SRCAP: variants seen among roughly 807,000 people sequenced by gnomAD.
SRCAP encodes the protein Snf2 related CREBBP activator protein.
A neutral mutation model predicts 263.1 loss-of-function variants in SRCAP; 46 were observed. The ratio of observed to expected loss-of-function variants is 0.17; its 90% CI spans 0.14 to 0.22. SRCAP has a LOEUF of 0.22. Ranked by LOEUF, SRCAP falls within the 10% of genes least tolerant of loss-of-function variation. The pLI is 1.00. For synonymous variants in SRCAP, 1,813 were observed against 1,662.1 expected, an observed-to-expected ratio of 1.09 and a Z score of -2.21; for missense variants, 3,695 against 4,181.9, an observed-to-expected ratio of 0.88 and a Z score of 3.21.
chr16:30,707,480 T>A (rs142017487), intron 5 of SRCAP, 92 bp from the exon 6 acceptor site: 2 of 1,605,732 alleles, frequency 1.2e-6, no homozygotes, highest in African/African-American at 2.7e-5. Flanking sequence ...AACTCTTGAT[T>A]TTCCAGATTT....
In SRCAP at chr16:30,719,703, G is replaced by A. The variant is rs577449479; in HGVS notation, c.2818-459G>A. On this transcript the variant is annotated intron_variant, in intron 18 of 33. Transcript: ENST00000262518. ...TAATTTTTGTATTTTCTGTAGAGAC[G>A]GGGTCTTACTATGTTGCCTAGGGTG... Among the ~76,000 whole-genome samples the A allele has an allele frequency of 1.2e-4, 19 of 152,156 alleles. No individual in the cohort carries two copies. The East Asian group carries it at 3.1e-3, about 25-fold the overall frequency.
At chr16:30,734,666 T>G (rs1275317317) in intron 31 of SRCAP, 51 bp downstream of exon 31, 1 of 1,611,432 alleles carries the variant, frequency 6.2e-7, no homozygotes, top group African/African-American at 1.3e-5. Flanking sequence ...TTACAGAATA[T>G]CTTGTCTTTT....
Position 30,724,889 on chromosome 16 carries a change from C to T in SRCAP, c.5465C>T (p.Ser1822Phe). 6.2e-7 allele frequency: 1 copy of T among 1,614,248 alleles called. No homozygotes were observed. Among genetic ancestry groups the T allele is most frequent in the African/African-American group, 1.3e-5 (1 of 75,062 alleles). The change falls in exon 25 of 34, where the codon TCC becomes TTC. Residue 1822 changes from serine (S) to phenylalanine (F), a missense_variant. Around this residue, in one of 12 missense-constraint regions of SRCAP, gnomAD observed 1,347 missense variants for 1,304.4 expected, o/e 1.03. Coordinates refer to ENST00000262518, the MANE Select transcript of SRCAP (RefSeq NM_006662.3). ...STQSPASQASSLVVSASGAAP... is the reference protein window; with the variant it reads ...STQSPASQASFLVVSASGAAP... ...CAGTCCCCAGCTTCCCAGGCATCTT[C>T]CCTTGTGGTTTCGGCATCTGGTGCC...
At position 30,736,586 on chromosome 16, in the gene SRCAP, C is replaced by T. The variant is rs866712706; in HGVS notation, c.6970C>T (p.Leu2324=). The T allele has an allele frequency of 5.6e-6, 9 of 1,614,218 alleles. No homozygotes were observed. In the Middle Eastern group the frequency reaches 1.5e-3, roughly 266 times the overall value. The change falls in exon 33 of 34, where the codon CTG becomes TTG. Residue 2324 remains leucine (L), a synonymous_variant. Transcript: ENST00000262518. ...TGCCATGAAATTCCTGGAGGCCTCA[C>T]TGGAGGAGGTGAGCCGAGAGGAGCT... ...RYAMKFLEAS[L]EEVSREELKQ...
intron 3 of SRCAP, among the ~76,000 whole-genome samples, chr16:30,702,885 C>A (rs1244300432): frequency 6.6e-6 from 1 of 151,754 alleles, no homozygotes; most frequent in Non-Finnish European, 1.5e-5. Flanking sequence ...AGCCCAGCTT[C>A]CATTTCTTAA....
rs1567246629 is a variant in SRCAP at position 30,721,377 on chromosome 16, TCTACCACCACGGCAACTG to T, written c.3453_3470del (p.Thr1153_Ala1158del). The T allele has an allele frequency of 6.2e-7, 1 of 1,613,992 alleles. No homozygotes were observed. The highest frequency in any genetic ancestry group is 8.5e-7 in the Non-Finnish European group (1 of 1,180,018). On this transcript the variant is annotated inframe_deletion, in exon 21 of 34. Coordinates refer to ENST00000262518, the MANE Select transcript of SRCAP (RefSeq NM_006662.3). ...CCCTCCTGCTGCTGCCACCACCACT[TCTACCACCACGGCAACTG>T]CTACCACCACAGCAGTGCCAGCTCC... is the stretch of plus-strand genomic sequence containing the variant.
At chr16:30,707,889 ATTG>A in intron 6 of SRCAP, among the ~76,000 whole-genome samples, 177 bp downstream of exon 6, 1 of 152,274 alleles carries the variant, frequency 6.6e-6, no homozygotes, top group East Asian at 1.9e-4. Flanking sequence ...GCCTTTGGGG[ATTG>A]TTAATAGTTC....
chr16:30,721,591 C>G, intron 21 of SRCAP, 115 bp downstream of exon 21: 3 of 1,395,752 alleles, frequency 2.1e-6, no homozygotes, highest in Non-Finnish European at 2.9e-6. Context: ...CCTATAATCC[C>G]GGTGCTTTGG....
intron 31 of SRCAP, among the ~76,000 whole-genome samples, chr16:30,735,176 T>C (rs2053148469): frequency 1.5e-5 from 2 of 131,568 alleles, no homozygotes; most frequent in African/African-American, 3.1e-5. Flanking sequence ...AGACGGAGTC[T>C]CGCTCTGTCG....
rs376319548 is a variant in SRCAP, at chr16:30,739,755, G to T, written c.*22G>T. On this transcript the variant is annotated 3_prime_UTR_variant, in exon 34 of 34. Coordinates refer to ENST00000262518, the MANE Select transcript of SRCAP (RefSeq NM_006662.3). ...GTGAGTGGGCTGCCCCTCCACCTAG[G>T]CTTTCCACCGTGGCCACTCCCTCCA... 7.5e-4 allele frequency: 1,097 copies of T among 1,454,742 alleles called. No individual in the cohort carries two copies. The highest frequency in any genetic ancestry group is 8.9e-4 in the Non-Finnish European group (983 of 1,102,006). 90.1% of individuals were successfully genotyped at this position (1,454,742 alleles called of 1,614,324 possible).
rs773627693 is a variant in SRCAP, at chr16:30,711,659, G to C, written c.1407G>C (p.Glu469Asp). The C allele has an allele frequency of 6.2e-6, 10 of 1,614,126 alleles. No homozygotes were observed. The highest frequency in any genetic ancestry group is 3.3e-4 in the Middle Eastern group (2 of 6,058). ...SGSSEDEDED[E>D]VDANSSDCEP... is the part of the protein sequence containing the mutation. ...GCAGTGAAGATGAGGATGAAGATGA[G>C]GTTGATGCTAATAGCTCTGACTGTG... is the stretch of plus-strand genomic sequence containing the variant. Residue 469 changes from glutamate to aspartate, a missense_variant, in exon 11 of 34, where the codon GAG becomes GAC. Transcript: ENST00000262518.
Position 30,733,280 on chromosome 16 carries a change from G to A in SRCAP, c.6128G>A (p.Gly2043Glu), listed in dbSNP as rs770945224. ...PDLRLIQYDC[G>E]KLQTLAVLLR... ...CCTGTATCCCTTCATATCTCTTTAG[G>A]AAAGTTGCAGACGTTGGCAGTGCTG... Residue 2043 changes from glycine to glutamate, a missense_variant and splice_region_variant, in exon 28 of 34, where the codon GGA becomes GAA. Physicochemically the swap from Gly to Glu is moderately conservative, Grantham distance 98. This residue lies in a region of SRCAP where 138 missense variants were observed against 254.9 expected (regional missense o/e 0.54). Coordinates refer to ENST00000262518, the MANE Select transcript of SRCAP (RefSeq NM_006662.3). This position sits in a 1 kb window ranked among gnomAD's most constrained non-coding sequence, Gnocchi z 5.3. 2 of 1,613,522 alleles carry A rather than the reference G, an allele frequency of 1.2e-6. No individual in the cohort carries two copies. The highest frequency in any genetic ancestry group is 1.7e-6 in the Non-Finnish European group (2 of 1,180,012).
At position 30,720,188 on chromosome 16, in the gene SRCAP, T is replaced by C; in HGVS notation, c.2844T>C (p.Leu948=). ...LQRIDMGRFD[L]IGLEGRVSRY... ...GGATAGACATGGGTCGATTTGACCT[T>C]ATTGGCCTGGAAGGTCGTGTCTCTC... The change falls in exon 19 of 34, where the codon CTT becomes CTC. Residue 948 remains leucine, a synonymous_variant. Transcript: ENST00000262518. 6.2e-7 allele frequency: 1 copy of C among 1,613,146 alleles called. No homozygotes were observed. Among genetic ancestry groups the C allele is most frequent in the Non-Finnish European group, 8.5e-7 (1 of 1,179,180 alleles).
rs776464126 is a variant in SRCAP, at chr16:30,737,530, C to G, written c.7490C>G (p.Pro2497Arg). Reference sequence around the variant, plus strand: ...TCACAGATTCCTCCTTGTTCTTCTCCTGCCTGCACCCCTCCTCCTGCCTGT... The same window carrying G: ...TCACAGATTCCTCCTTGTTCTTCTCGTGCCTGCACCCCTCCTCCTGCCTGT... ...PPSQIPPCSS[P>R]ACTPPPACTP... Residue 2497 changes from proline (P) to arginine (R), a missense_variant, in exon 34 of 34, where the codon CCT (proline) becomes CGT (arginine). Around this residue, in one of 12 missense-constraint regions of SRCAP, gnomAD observed 1,207 missense variants for 1,142.9 expected, o/e 1.06. Transcript: ENST00000262518. 1 of 1,608,168 alleles carries G rather than the reference C, an allele frequency of 6.2e-7. No homozygotes were observed. The highest frequency in any genetic ancestry group is 8.5e-7 in the Non-Finnish European group (1 of 1,174,664).
rs1441930844 is a variant in SRCAP, at chr16:30,721,450, C to T, written c.3515C>T (p.Ser1172Phe). The T allele has an allele frequency of 6.2e-7, 1 of 1,611,886 alleles. No homozygotes were observed. The highest frequency in any genetic ancestry group is 8.5e-7 in the Non-Finnish European group (1 of 1,180,028). Residue 1172 changes from serine to phenylalanine, a missense_variant, in exon 21 of 34, where the codon TCT (serine) becomes TTT (phenylalanine). Transcript: ENST00000262518. ...CCTGCACCACAGCGCCTCATTCTAT[C>T]TCCCGATATGCAGGCTCGCCTGCCC... is the stretch of plus-strand genomic sequence containing the variant. ...PTPAPQRLILSPDMQARLPSG... is the reference protein window; with the variant it reads ...PTPAPQRLILFPDMQARLPSG...
intron 31 of SRCAP, 59 bp downstream of exon 31, chr16:30,734,674 TTTGTTAGTCTG>T: frequency 6.2e-7 from 1 of 1,609,594 alleles, no homozygotes; most frequent in East Asian, 2.2e-5. Flanking sequence ...TATCTTGTCT[TTTGTTAGTCTG>T]TTGAGCTTGT....
rs1437178820 is a variant in SRCAP at position 30,740,374 on chromosome 16, G to C, written c.*641G>C. 6.6e-6 allele frequency: 1 copy of C among 152,128 alleles called. No individual in the cohort carries two copies. The highest frequency in any genetic ancestry group is 2.1e-4 in the South Asian group (1 of 4,824). 9.4% of individuals were successfully genotyped at this position (152,128 alleles called of 1,614,324 possible). On this transcript the variant is annotated 3_prime_UTR_variant, in exon 34 of 34. Transcript: ENST00000262518. ...CTTTTCCTCTCATTTCTTTTCCCTC[G>C]GTTCCTAGACGTTCCTCGGAGCTCT...
chr16:30,705,169 C>T (rs564158897), intron 4 of SRCAP, among the ~76,000 whole-genome samples: 23 of 152,062 alleles, frequency 1.5e-4, no homozygotes, highest in Non-Finnish European at 2.1e-4. Flanking sequence ...GGCGTGGTGG[C>T]GCAGGCCTGT....
At position 30,724,782 on chromosome 16, in the gene SRCAP, G is replaced by C; in HGVS notation, c.5358G>C (p.Gln1786His). 1 of 1,613,614 alleles carries C rather than the reference G, an allele frequency of 6.2e-7. No individual in the cohort carries two copies. The highest frequency in any genetic ancestry group is 8.5e-7 in the Non-Finnish European group (1 of 1,179,736). The change falls in exon 25 of 34, where the codon CAG becomes CAC. Residue 1786 changes from glutamine (Q) to histidine (H), a missense_variant. By Grantham distance (24) the Gln-to-His change is conservative. This residue lies in a region of SRCAP where 1,347 missense variants were observed against 1,304.4 expected (regional missense o/e 1.03). Transcript: ENST00000262518. ...SASLLAPASV[Q>H]TLTLSPAPVP... The stretch of plus-strand genomic sequence containing the variant: ...CACTCCTGGCCCCAGCTTCAGTGCA[G>C]ACACTGACCTTGAGCCCTGCCCCAG...
Sources: allele counts gnomAD v4.1 joint callset (sites outside exome capture counted in the v4.1 genomes callset), GRCh38; gene constraint gnomAD v4.1.1; regional missense constraint gnomAD v4.1.1; non-coding constraint Gnocchi (gnomAD v3.1); transcripts MANE v1.5; gene names NCBI Gene and HGNC (gene_info 2026-07-23, HGNC 2026-07-21).